TTC28: variants seen among roughly 807,000 people sequenced by gnomAD.
The protein encoded by TTC28 is tetratricopeptide repeat protein 28.
A neutral mutation model predicts 198.0 loss-of-function variants in TTC28; 61 were observed. The ratio of observed to expected loss-of-function variants is 0.31; its 90% confidence interval spans 0.25 to 0.38. The LOEUF is 0.38. TTC28 is among the 10% of genes least tolerant of loss of function. The pLI is 1.00. For missense variants in TTC28, 2,678 were observed against 3,164.0 expected (o/e 0.85, Z 3.69); for synonymous variants, 1,171 against 1,297.8 (o/e 0.90, Z 2.10).
At chr22:28,269,489 TG>T (rs1430721623) in intron 5 of TTC28, among the ~76,000 whole-genome samples, 2 of 152,138 alleles carry the variant, frequency 1.3e-5, no homozygotes, top group East Asian at 3.9e-4. Flanking sequence ...TCTTGGGAAA[TG>T]AGTTTTTGAC....
In TTC28 at chr22:28,129,841, G is replaced by A. The variant is rs530327667; in HGVS notation, c.1442-21438C>T. Reference sequence around the variant, plus strand: ...CTTAATGTGAGTAAGAATCACAGGGGACCTTGTTAACATACAGTGGCTGAT... The same window carrying A: ...CTTAATGTGAGTAAGAATCACAGGGAACCTTGTTAACATACAGTGGCTGAT... On this transcript the variant is annotated intron_variant, in intron 6 of 22. Coordinates refer to ENST00000397906, the MANE Select transcript of TTC28 (RefSeq NM_001145418.2). 9.9e-5 allele frequency among the ~76,000 whole-genome samples: 15 copies of A among 152,274 alleles called. No individual in the cohort carries two copies. The East Asian group carries it at 2.3e-3, about 24-fold the overall frequency.
At chr22:28,035,974 T>A (rs1436083794) in intron 12 of TTC28, among the ~76,000 whole-genome samples, 3 of 152,148 alleles carry the variant, frequency 2.0e-5, no homozygotes, top group African/African-American at 7.2e-5. Flanking sequence ...TACAGGAGCA[T>A]CCAGATTCAC....
chr22:28,099,103 C>T, intron 9 of TTC28, 59 bp from the exon 10 acceptor site: 2 of 1,542,454 alleles, frequency 1.3e-6, no homozygotes, highest in South Asian at 2.4e-5. Flanking sequence ...CAGCTGTTTA[C>T]AGACTAGAGA....
chr22:27,990,157 T>C, intron 20 of TTC28, 150 bp from the exon 21 acceptor site: 1 of 1,077,782 alleles, frequency 9.3e-7, no homozygotes, highest in Non-Finnish European at 1.3e-6. Context: ...TTCAGGTGCA[T>C]TCATACCTAC....
chr22:28,648,000 G>A (rs1008973278), intron 1 of TTC28, among the ~76,000 whole-genome samples: 10 of 146,108 alleles, frequency 6.8e-5, no homozygotes, highest in East Asian at 4.2e-4. Flanking sequence ...CGAGGCGGGC[G>A]GATCATGAGG....
chr22:28,515,580 G>A (rs1365294969), intron 2 of TTC28, among the ~76,000 whole-genome samples: 4 of 152,120 alleles, frequency 2.6e-5, no homozygotes, highest in Admixed American at 6.6e-5. Context: ...TAAGGTAAAT[G>A]TCAAGAAATC....
chr22:28,613,239 A>T (rs2050849321), intron 2 of TTC28, among the ~76,000 whole-genome samples: 2 of 152,204 alleles, frequency 1.3e-5, no homozygotes, highest in African/African-American at 4.8e-5. Flanking sequence ...CCCTCCCAAG[A>T]CTAAACCAAG....
chr22:28,162,147 T>C (rs1921288591), intron 6 of TTC28, among the ~76,000 whole-genome samples: 3 of 152,170 alleles, frequency 2.0e-5, no homozygotes, highest in Admixed American at 1.3e-4. Context: ...AGATAATATC[T>C]TCTAAAAAAT....
intron 3 of TTC28, among the ~76,000 whole-genome samples, chr22:28,299,990 GCCTGGTGA>G (rs1489017380): frequency 6.6e-6 from 1 of 152,146 alleles, no homozygotes; most frequent in African/African-American, 2.4e-5. Context: ...CACAAACGCT[GCCTGGTGA>G]AGGCAGCATA....
chr22:28,025,853 G>A (rs1167303307), intron 13 of TTC28, among the ~76,000 whole-genome samples: 3 of 152,102 alleles, frequency 2.0e-5, no homozygotes, highest in Admixed American at 6.5e-5. Flanking sequence ...CTGGGTGACA[G>A]AGTGTGACTC....
intron 2 of TTC28, among the ~76,000 whole-genome samples, chr22:28,370,270 T>C (rs1193270729): frequency 1.3e-5 from 2 of 152,208 alleles, no homozygotes; most frequent in African/African-American, 4.8e-5. Context: ...ACTTCAATCA[T>C]ACTATTTCCT....
At chr22:28,359,046 A>C (rs2046119571) in intron 2 of TTC28, among the ~76,000 whole-genome samples, 2 of 152,204 alleles carry the variant, frequency 1.3e-5, no homozygotes, top group Admixed American at 6.5e-5. Context: ...CTAAGATATC[A>C]CTAGTAATAA....
At chr22:28,135,343 A>G (rs1361668685) in intron 6 of TTC28, among the ~76,000 whole-genome samples, 1 of 152,248 alleles carries the variant, frequency 6.6e-6, no homozygotes, top group African/African-American at 2.4e-5. Flanking sequence ...GATTATTTAC[A>G]AAATATGCAC....
At position 28,111,528 on chromosome 22, in the gene TTC28, A is replaced by AT. The variant is rs201771228; in HGVS notation, c.1442-3126dup. ...AAATTTCCAGGTTTCCTCAGAGGAA[A>AT]TTTTTTTTTTTACATTTCTCCCTCT... is the stretch of plus-strand genomic sequence containing the variant. On this transcript the variant is annotated intron_variant, in intron 6 of 22. Coordinates refer to ENST00000397906, the MANE Select transcript of TTC28 (RefSeq NM_001145418.2). Among the ~76,000 whole-genome samples the AT allele has an allele frequency of 7.4e-4, 110 of 149,358 alleles. 1 individual carries two copies. Among genetic ancestry groups the AT allele is most frequent in the Middle Eastern group, 3.5e-3 (1 of 288 alleles).
chr22:28,138,209 GA>G (rs1224357311), intron 6 of TTC28, among the ~76,000 whole-genome samples: 2 of 152,260 alleles, frequency 1.3e-5, no homozygotes, highest in South Asian at 4.1e-4. Flanking sequence ...CAATCAGCCA[GA>G]GTCTGAAGCA....
intron 2 of TTC28, among the ~76,000 whole-genome samples, chr22:28,402,239 G>A (rs1314466239): frequency 1.3e-5 from 2 of 152,188 alleles, no homozygotes; most frequent in Non-Finnish European, 2.9e-5. Flanking sequence ...AGTAGCAGTG[G>A]CAGATGGATG....
chr22:28,679,429 A>T (rs992470187), intron 1 of TTC28, among the ~76,000 whole-genome samples, 193 bp downstream of exon 1: 2 of 151,006 alleles, frequency 1.3e-5, no homozygotes, highest in Admixed American at 1.3e-4. Flanking sequence ...ATCCACACAC[A>T]CTCTCGCGGA....
chr22:28,611,379 C>T (rs12484017), intron 2 of TTC28, among the ~76,000 whole-genome samples: 1 of 152,136 alleles, frequency 6.6e-6, no homozygotes, highest in East Asian at 1.9e-4. Context: ...TGCAGAAACC[C>T]TACAAGCCAG....
chr22:28,438,645 A>T (rs2047562001), intron 2 of TTC28, among the ~76,000 whole-genome samples: 2 of 152,242 alleles, frequency 1.3e-5, no homozygotes, highest in African/African-American at 4.8e-5. Context: ...TTATTTACAC[A>T]GTGTTATCTG....
Sources: allele counts gnomAD v4.1 joint callset (sites outside exome capture counted in the v4.1 genomes callset), GRCh38; gene constraint gnomAD v4.1.1; transcripts MANE v1.5; gene names NCBI Gene and HGNC (gene_info 2026-07-23, HGNC 2026-07-21).